Variants in CEP83 observed in about 807,000 individuals in gnomAD.
The protein encoded by CEP83 is centrosomal protein of 83 kDa.
A neutral mutation model predicts 101.9 loss-of-function variants in CEP83; 70 were observed. The observed-to-expected ratio is 0.69, with a 90% CI of 0.57 to 0.84. The LOEUF (loss-of-function observed/expected upper bound fraction) is 0.84. Ranked by LOEUF, CEP83 falls within the 40% of genes least tolerant of loss-of-function variation. The probability of loss-of-function intolerance (pLI) is 0.00; values close to 1 mark genes in which losing one functional copy is unlikely to be tolerated. For missense variants in CEP83, 715 were observed against 787.2 expected, an observed-to-expected ratio of 0.91 and a Z score of 1.10; for synonymous variants, 264 against 267.9, an observed-to-expected ratio of 0.99 and a Z score of 0.14.
intron 1 of CEP83, among the ~76,000 whole-genome samples, chr12:94,442,355 G>A (rs1412543855): frequency 2.0e-5 from 3 of 151,680 alleles, no homozygotes; most frequent in Non-Finnish European, 4.4e-5. Context: ...ATGGACTCTG[G>A]GGACCTGGGG....
the CEP83 span, chr12:94,279,824 TG>T: frequency 1.3e-5 from 9 of 712,290 alleles, 1 homozygote; most frequent in South Asian, 1.3e-4. Flanking sequence ...TGGTCTCTCA[TG>T]GGCATCCTGA....
chr12:94,406,407 T>C (rs1335070836), intron 4 of CEP83, among the ~76,000 whole-genome samples: 1 of 151,674 alleles, frequency 6.6e-6, no homozygotes, highest in Non-Finnish European at 1.5e-5. Context: ...AAGTTCACAG[T>C]ATCTAACATC....
At chr12:94,406,805 T>C (rs147018126) in intron 4 of CEP83, among the ~76,000 whole-genome samples, 7,733 of 151,822 alleles carry the variant, frequency 0.051, 256 homozygotes, top group Admixed American at 0.082. Flanking sequence ...CGGGCACCTA[T>C]AGTCCCAGCT....
the CEP83 span, chr12:94,276,869 G>A: frequency 6.6e-6 from 1 of 152,196 alleles, no homozygotes; most frequent in Non-Finnish European, 1.5e-5. Flanking sequence ...CTGAGAGCAG[G>A]CAAGGGAGTG....
chr12:94,421,220 T>G (rs527285243), intron 2 of CEP83, among the ~76,000 whole-genome samples: 1 of 152,120 alleles, frequency 6.6e-6, no homozygotes, highest in South Asian at 2.1e-4. Context: ...TTTATTTATT[T>G]TAATTTTTAT....
chr12:94,322,234 C>G (rs986291945), intron 14 of CEP83, among the ~76,000 whole-genome samples: 1 of 152,196 alleles, frequency 6.6e-6, no homozygotes, highest in Non-Finnish European at 1.5e-5. Context: ...CTCAGACTCT[C>G]TAAAGCCTGA....
the CEP83 span, among the ~76,000 whole-genome samples, chr12:94,265,864 C>G: frequency 6.6e-6 from 1 of 152,062 alleles, no homozygotes; most frequent in African/African-American, 2.4e-5. Flanking sequence ...ACCCCATGCT[C>G]TTCCTAAAGA....
chr12:94,373,680 T>C (rs1448174829), intron 8 of CEP83, among the ~76,000 whole-genome samples: 1 of 152,204 alleles, frequency 6.6e-6, no homozygotes, highest in East Asian at 1.9e-4. Flanking sequence ...AAGGTCATCA[T>C]TTTCAGGCCA....
In CEP83 at chr12:94,423,457, C is replaced by CTTTTTTTTTT. The variant is rs763433431; in HGVS notation, c.-101-10876_-101-10867dup. The stretch of plus-strand genomic sequence containing the variant: ...GCTGCACCAGACCAATCTGGTTCAA[C>CTTTTTTTTTT]TTTTTTTTTTTTTTTTTGCAAAAGA... On this transcript the variant is annotated intron_variant, in intron 2 of 16. Coordinates refer to ENST00000397809, the MANE Select transcript of CEP83 (RefSeq NM_016122.3). 9.4e-3 allele frequency among the ~76,000 whole-genome samples: 1,125 copies of CTTTTTTTTTT among 120,160 alleles called. 22 individuals are homozygous for CTTTTTTTTTT. The highest frequency in any genetic ancestry group is 0.022 in the African/African-American group (705 of 31,832). The allele number at this position is 120,160 out of a possible 152,430, so 78.8% of individuals were successfully genotyped here. A position where few individuals can be genotyped will look rare whatever the true frequency, so the allele number is the denominator to read the frequency against.
chr12:94,443,053 T>C (rs1036347920), intron 1 of CEP83, among the ~76,000 whole-genome samples: 7 of 152,228 alleles, frequency 4.6e-5, no homozygotes, highest in Non-Finnish European at 4.4e-5. Flanking sequence ...CCTTCGTCAC[T>C]ATAACTCCTA....
At chr12:94,271,438 A>G in the CEP83 span, among the ~76,000 whole-genome samples, 15 of 152,226 alleles carry the variant, frequency 9.9e-5, no homozygotes, top group Middle Eastern at 3.2e-3. Context: ...TGCCTCCTCA[A>G]TACCCAAAAC....
intron 6 of CEP83, among the ~76,000 whole-genome samples, chr12:94,393,380 G>A (rs1359738315): frequency 6.6e-6 from 1 of 152,136 alleles, no homozygotes; most frequent in Non-Finnish European, 1.5e-5. Context: ...AAAACCACAT[G>A]ATTATCTCAA....
At chr12:94,290,843 T>C in the CEP83 span, among the ~76,000 whole-genome samples, 2 of 152,228 alleles carry the variant, frequency 1.3e-5, no homozygotes, top group African/African-American at 4.8e-5. Flanking sequence ...AAAAGTCACT[T>C]AGCTGATAAG....
chr12:94,455,597 A>G (rs2067608558), intron 1 of CEP83, among the ~76,000 whole-genome samples: 1 of 152,224 alleles, frequency 6.6e-6, no homozygotes, highest in Non-Finnish European at 1.5e-5. Context: ...ATATTTTGAG[A>G]CAGAAGATAG....
At chr12:94,340,872 AGAG>A (rs1213495497) in intron 11 of CEP83, among the ~76,000 whole-genome samples, 3 of 152,244 alleles carry the variant, frequency 2.0e-5, no homozygotes, top group Non-Finnish European at 4.4e-5. Context: ...AGAAAATAAG[AGAG>A]GAGGAATAAA....
At chr12:94,346,008 G>A (rs1287211791) in intron 11 of CEP83, among the ~76,000 whole-genome samples, 1 of 152,000 alleles carries the variant, frequency 6.6e-6, no homozygotes, top group Non-Finnish European at 1.5e-5. Flanking sequence ...AGGAACAGAA[G>A]CTCCTGAGCT....
intron 13 of CEP83, 133 bp downstream of exon 13, chr12:94,333,349 G>T (rs1326074745): frequency 8.8e-6 from 6 of 679,456 alleles, no homozygotes; most frequent in Middle Eastern, 4.0e-4. Flanking sequence ...TACCTCAGTA[G>T]ACCATTGTAC....
intron 6 of CEP83, among the ~76,000 whole-genome samples, chr12:94,393,997 A>C (rs1299734485): frequency 6.6e-6 from 1 of 152,250 alleles, no homozygotes; most frequent in African/African-American, 2.4e-5. Flanking sequence ...ATGGAAAAAC[A>C]TTCCATGCTT....
chr12:94,365,253 G>A (rs2136981443), intron 11 of CEP83, among the ~76,000 whole-genome samples: 1 of 152,138 alleles, frequency 6.6e-6, no homozygotes, highest in Non-Finnish European at 1.5e-5. Flanking sequence ...TTAAACACAT[G>A]GAACATTGTT....
Sources: allele counts gnomAD v4.1 joint callset (sites outside exome capture counted in the v4.1 genomes callset), GRCh38; gene constraint gnomAD v4.1.1; transcripts MANE v1.5; gene names NCBI Gene and HGNC (gene_info 2026-07-23, HGNC 2026-07-21).